The following IQCJ variants were observed in gnomAD, a reference collection of about 807,000 sequenced individuals.
IQCJ encodes IQ motif containing J, also known as IQ domain-containing protein J.
In IQCJ, 9 loss-of-function variants were observed where a neutral mutation model predicts 11.0. That is an observed-to-expected ratio of 0.82 (90% CI 0.49 to 1.43). The LOEUF (loss-of-function observed/expected upper bound fraction) is 1.43. Among genes scored for constraint, IQCJ ranks in the 40% most tolerant of loss-of-function variants. IQCJ has a pLI of 0.00. For missense variants in IQCJ, 146 were observed against 133.2 expected (o/e 1.10, Z -0.47); for synonymous variants, 55 against 51.3 (o/e 1.07, Z -0.31).
At chr3:159,183,865 A>G (rs930766364) in intron 1 of IQCJ, among the ~76,000 whole-genome samples, 7 of 151,964 alleles carry the variant, frequency 4.6e-5, no homozygotes, top group African/African-American at 1.7e-4. Flanking sequence ...CTCTCCTTCC[A>G]AAATGTTTCT....
At chr3:159,155,245 C>T (rs991346317) in intron 1 of IQCJ, among the ~76,000 whole-genome samples, 3 of 152,294 alleles carry the variant, frequency 2.0e-5, no homozygotes, top group South Asian at 4.2e-4. Context: ...GCAACCTCCA[C>T]CTCTTGGGTT....
intron 1 of IQCJ, among the ~76,000 whole-genome samples, chr3:159,170,825 T>C (rs1161171003): frequency 3.3e-5 from 5 of 152,180 alleles, no homozygotes; most frequent in Admixed American, 3.3e-4. Flanking sequence ...GATTCCTTTC[T>C]CATAGCCCAA....
Position 159,115,747 on chromosome 3 carries a change from C to T in IQCJ, c.9+46306C>T, listed in dbSNP as rs528315248. Among the ~76,000 whole-genome samples the T allele has an allele frequency of 2.0e-5, 3 of 152,080 alleles. No homozygotes were observed. The South Asian group carries it at 6.2e-4, about 32-fold the overall frequency. On this transcript the variant is annotated intron_variant, in intron 1 of 3. Transcript: ENST00000397832. ...TTTAGTCTGGGAAACATAGGGAGAC[C>T]CATCTCTAAAAAAATGTTTTTTTTA... is the stretch of plus-strand genomic sequence containing the variant.
At chr3:159,070,316 A>G (rs1414419350) in intron 1 of IQCJ, among the ~76,000 whole-genome samples, 2 of 152,158 alleles carry the variant, frequency 1.3e-5, no homozygotes, top group African/African-American at 2.4e-5. Context: ...TTAATAATAT[A>G]TTCAGCATCC....
At chr3:159,135,615 A>G (rs73027675) in intron 1 of IQCJ, among the ~76,000 whole-genome samples, 4,435 of 152,306 alleles carry the variant, frequency 0.029, 218 homozygotes, top group African/African-American at 0.1. Context: ...ATCTGTATCA[A>G]GACATAGAGA....
At chr3:159,251,823 A>G (rs373661516) in intron 2 of IQCJ, among the ~76,000 whole-genome samples, 2 of 152,182 alleles carry the variant, frequency 1.3e-5, no homozygotes, top group African/African-American at 4.8e-5. Context: ...ATTTAACATT[A>G]TCTCTCCAAG....
At chr3:159,235,185 A>T (rs900321550) in intron 1 of IQCJ, among the ~76,000 whole-genome samples, 1 of 151,946 alleles carries the variant, frequency 6.6e-6, no homozygotes, top group Admixed American at 6.5e-5. Context: ...ATGAAATGTA[A>T]AAATATCTAC....
At chr3:159,071,851 G>A (rs890833011) in intron 1 of IQCJ, among the ~76,000 whole-genome samples, 1 of 152,024 alleles carries the variant, frequency 6.6e-6, no homozygotes, top group African/African-American at 2.4e-5. Context: ...TAAAATGATT[G>A]TAAAACACTT....
At chr3:159,119,451 G>A (rs2108137380) in intron 1 of IQCJ, among the ~76,000 whole-genome samples, 1 of 152,282 alleles carries the variant, frequency 6.6e-6, no homozygotes. Flanking sequence ...GTCCACAAAT[G>A]TTGAATGTGA....
At chr3:159,193,930 T>C (rs1157332145) in intron 1 of IQCJ, among the ~76,000 whole-genome samples, 1 of 152,210 alleles carries the variant, frequency 6.6e-6, no homozygotes, top group Non-Finnish European at 1.5e-5. Flanking sequence ...CTGGTATGGC[T>C]GATGACAGAT....
At chr3:159,206,151 T>TTTTCAG (rs962533967) in intron 1 of IQCJ, among the ~76,000 whole-genome samples, 6 of 152,354 alleles carry the variant, frequency 3.9e-5, no homozygotes, top group Non-Finnish European at 8.8e-5. Flanking sequence ...TTATTCCTTG[T>TTTTCAG]TTTCAGTTTC....
At chr3:159,231,953 A>T (rs998097612) in intron 1 of IQCJ, among the ~76,000 whole-genome samples, 1 of 152,144 alleles carries the variant, frequency 6.6e-6, no homozygotes, top group Non-Finnish European at 1.5e-5. Context: ...GGTAGCTTGT[A>T]TTTCTGTGGG....
downstream of IQCJ, chr3:159,265,146 A>G (rs1728427707): frequency 8.9e-6 from 12 of 1,351,624 alleles, no homozygotes; most frequent in Non-Finnish European, 1.2e-5. Flanking sequence ...CACAGTTTAA[A>G]AGAAAACTTT....
intron 1 of IQCJ, among the ~76,000 whole-genome samples, chr3:159,218,863 G>A (rs73029451): frequency 0.023 from 3,462 of 152,168 alleles, 116 homozygotes; most frequent in Admixed American, 0.06. Context: ...ACATCAAGGT[G>A]TATGCAGGGC....
chr3:159,192,325 CT>C (rs1723738264), intron 1 of IQCJ, among the ~76,000 whole-genome samples: 1 of 152,082 alleles, frequency 6.6e-6, no homozygotes, highest in South Asian at 2.1e-4. Flanking sequence ...GGCAGTTTTT[CT>C]TGTGTTCATT....
chr3:159,096,395 T>A (rs2108094680), intron 1 of IQCJ, among the ~76,000 whole-genome samples: 1 of 147,352 alleles, frequency 6.8e-6, no homozygotes, highest in East Asian at 2.0e-4. Flanking sequence ...CAATTTTGTC[T>A]TTTGTTGCCA....
chr3:159,156,387 T>G (rs1309418499), intron 1 of IQCJ, among the ~76,000 whole-genome samples: 1 of 152,162 alleles, frequency 6.6e-6, no homozygotes, highest in Non-Finnish European at 1.5e-5. Context: ...CATGTATGAC[T>G]CCTGAGGAGT....
At chr3:159,212,032 T>A (rs574508957) in intron 1 of IQCJ, among the ~76,000 whole-genome samples, 22 of 151,110 alleles carry the variant, frequency 1.5e-4, no homozygotes, top group African/African-American at 4.9e-4. Context: ...AAAATCCCAA[T>A]GTGACTTAGA....
intron 1 of IQCJ, among the ~76,000 whole-genome samples, chr3:159,204,396 G>C (rs1383518144): frequency 6.6e-6 from 1 of 152,132 alleles, no homozygotes; most frequent in East Asian, 1.9e-4. Flanking sequence ...GAATATTTAG[G>C]GGACTTCTTC....
Sources: allele counts gnomAD v4.1 joint callset (sites outside exome capture counted in the v4.1 genomes callset), GRCh38; gene constraint gnomAD v4.1.1; transcripts MANE v1.5; gene names NCBI Gene and HGNC (gene_info 2026-07-23, HGNC 2026-07-21).